SCML4: variants seen among roughly 807,000 people sequenced by gnomAD.
SCML4 encodes sex comb on midleg-like protein 4.
Under a neutral mutation model 41.1 loss-of-function variants are expected in SCML4, and 34 were observed. The ratio of observed to expected loss-of-function variants is 0.83; its 90% CI spans 0.63 to 1.10. The LOEUF (loss-of-function observed/expected upper bound fraction) is 1.10, where lower values mean the gene tolerates loss of function less well. SCML4 is among the 50% of genes least tolerant of loss of function. The probability of loss-of-function intolerance (pLI) is 0.00; values close to 1 mark genes in which losing one functional copy is unlikely to be tolerated. For missense variants in SCML4, 522 were observed against 534.1 expected (o/e 0.98, Z 0.22); for synonymous variants, 214 against 220.9 (o/e 0.97, Z 0.28).
intron 1 of SCML4, among the ~76,000 whole-genome samples, chr6:107,800,126 A>G (rs1783003782): frequency 6.6e-6 from 1 of 151,972 alleles, no homozygotes; most frequent in East Asian, 1.9e-4. Context: ...GTTGGAATAG[A>G]CTATAGGCAC....
At chr6:107,737,347 G>T (rs946259192) in intron 5 of SCML4, among the ~76,000 whole-genome samples, 3 of 152,116 alleles carry the variant, frequency 2.0e-5, no homozygotes, top group Non-Finnish European at 4.4e-5. Context: ...TTGTTTGTTT[G>T]TCATCATTCT....
chr6:107,788,928 G>T (rs1207225992), intron 1 of SCML4, among the ~76,000 whole-genome samples: 1 of 152,200 alleles, frequency 6.6e-6, no homozygotes, highest in Non-Finnish European at 1.5e-5. Flanking sequence ...CCCAGTGTGT[G>T]TTTCCCTGAC....
intron 1 of SCML4, among the ~76,000 whole-genome samples, chr6:107,811,775 A>C (rs1008720457): frequency 6.6e-6 from 1 of 152,164 alleles, no homozygotes; most frequent in Non-Finnish European, 1.5e-5. Context: ...GGGGAAGTGA[A>C]ATTGATGGTG....
At chr6:107,762,405 C>A (rs1779671609) in intron 2 of SCML4, among the ~76,000 whole-genome samples, 1 of 152,156 alleles carries the variant, frequency 6.6e-6, no homozygotes. Context: ...TTGGACTAAA[C>A]ACCTAATTAA....
At chr6:107,812,878 CAT>C (rs1784260360) in intron 1 of SCML4, among the ~76,000 whole-genome samples, 2 of 122,580 alleles carry the variant, frequency 1.6e-5, no homozygotes, top group South Asian at 6.5e-4. Context: ...CACACAGACA[CAT>C]ACACACACAC....
At chr6:107,778,776 C>T (rs1256322053) in intron 1 of SCML4, among the ~76,000 whole-genome samples, 1 of 152,200 alleles carries the variant, frequency 6.6e-6, no homozygotes, top group Non-Finnish European at 1.5e-5. Flanking sequence ...TAGTCTGAGA[C>T]ATGTATTCAT....
At chr6:107,814,415 G>T (rs1784417234) in intron 1 of SCML4, among the ~76,000 whole-genome samples, 1 of 152,188 alleles carries the variant, frequency 6.6e-6, no homozygotes, top group Non-Finnish European at 1.5e-5. Flanking sequence ...CTGCCTTTTG[G>T]CCTGTGACAT....
upstream of SCML4, among the ~76,000 whole-genome samples, chr6:107,826,287 A>C (rs1016247721): frequency 7.6e-6 from 1 of 130,826 alleles, no homozygotes; most frequent in Non-Finnish European, 1.5e-5. Flanking sequence ...AAGAAAAGAA[A>C]AGAAAAGAAA....
intron 1 of SCML4, among the ~76,000 whole-genome samples, chr6:107,785,733 G>A (rs1781838180): frequency 6.6e-6 from 1 of 152,220 alleles, no homozygotes; most frequent in African/African-American, 2.4e-5. Context: ...GTAAGGGAGA[G>A]GAGACATCTG....
At chr6:107,725,905 C>T (rs967109642) in intron 5 of SCML4, among the ~76,000 whole-genome samples, 9 of 151,546 alleles carry the variant, frequency 5.9e-5, no homozygotes, top group Non-Finnish European at 7.4e-5. Context: ...AGTGAAACCC[C>T]GTCTCTACTA....
intron 6 of SCML4, among the ~76,000 whole-genome samples, chr6:107,717,870 T>C (rs543507700): frequency 6.6e-6 from 1 of 152,310 alleles, no homozygotes; most frequent in African/African-American, 2.4e-5. Context: ...TCTAAGTTAT[T>C]AAAAAGACAG....
At chr6:107,714,212 T>C (rs1774522076) in intron 6 of SCML4, among the ~76,000 whole-genome samples, 1 of 152,186 alleles carries the variant, frequency 6.6e-6, no homozygotes, top group African/African-American at 2.4e-5. Flanking sequence ...AGCATGTCTC[T>C]AGAAACAAGG....
At chr6:107,794,287 C>T (rs950982948) in intron 1 of SCML4, among the ~76,000 whole-genome samples, 2 of 152,194 alleles carry the variant, frequency 1.3e-5, no homozygotes, top group African/African-American at 4.8e-5. Flanking sequence ...AATAAACTTT[C>T]ATCTAATTGA....
At chr6:107,769,231 G>A (rs1213768064) in intron 2 of SCML4, among the ~76,000 whole-genome samples, 1 of 152,228 alleles carries the variant, frequency 6.6e-6, no homozygotes, top group Non-Finnish European at 1.5e-5. Context: ...CTGTGAGTCT[G>A]CCCCAGTCAT....
chr6:107,734,203 A>C (rs916595186), intron 5 of SCML4, among the ~76,000 whole-genome samples: 1 of 152,184 alleles, frequency 6.6e-6, no homozygotes, highest in Non-Finnish European at 1.5e-5. Context: ...GTTTACCACC[A>C]GCATCATTCT....
At chr6:107,826,701 T>C (rs1785269235), upstream of SCML4, among the ~76,000 whole-genome samples, 1 of 152,110 alleles carries the variant, frequency 6.6e-6, no homozygotes, top group Admixed American at 6.6e-5. Flanking sequence ...TCAAGGTGGG[T>C]GCATGTGGGA....
Position 107,803,442 on chromosome 6 carries a change from C to T in SCML4, c.-60+20684G>A, listed in dbSNP as rs1371194577. Among the ~76,000 whole-genome samples, 163 of 149,500 alleles carry T rather than the reference C, an allele frequency of 1.1e-3. 1 individual carries two copies. Among genetic ancestry groups the T allele is most frequent in the East Asian group, 2.2e-3 (11 of 4,924 alleles). The stretch of plus-strand genomic sequence containing the variant: ...GAGGGAGGTGGGGGGGTCAGCCCCC[C>T]GCCCGGCCAGCCGCCCGGTCCGGGA... On this transcript the variant is annotated intron_variant, in intron 1 of 7. Transcript: ENST00000369020.
At chr6:107,826,801 C>A (rs1009538526), upstream of SCML4, among the ~76,000 whole-genome samples, 1 of 152,186 alleles carries the variant, frequency 6.6e-6, no homozygotes, top group Admixed American at 6.5e-5. Flanking sequence ...CGGTGGCTCA[C>A]GCCTGTAATC....
chr6:107,740,897 G>A (rs772864688), intron 5 of SCML4, among the ~76,000 whole-genome samples: 20 of 152,192 alleles, frequency 1.3e-4, no homozygotes, highest in African/African-American at 2.9e-4. Context: ...TGCCTCTTGC[G>A]TCTCCTCCTT....
Sources: allele counts gnomAD v4.1 joint callset (sites outside exome capture counted in the v4.1 genomes callset), GRCh38; gene constraint gnomAD v4.1.1; transcripts MANE v1.5; gene names NCBI Gene and HGNC (gene_info 2026-07-23, HGNC 2026-07-21).